MOB3B: variants seen among roughly 807,000 people sequenced by gnomAD.
MOB3B encodes the protein MOB kinase activator-like 2B.
A neutral mutation model predicts 18.7 loss-of-function variants in MOB3B; 7 were observed. That is an observed-to-expected ratio of 0.37 (90% CI 0.21 to 0.70). MOB3B has a LOEUF of 0.70. Ranked by LOEUF, MOB3B falls within the 30% of genes least tolerant of loss-of-function variation. The pLI is 0.52. For missense variants in MOB3B, 253 were observed against 281.3 expected, an observed-to-expected ratio of 0.90 and a Z score of 0.72; for synonymous variants, 111 against 99.9, an observed-to-expected ratio of 1.11 and a Z score of -0.66.
Position 27,493,751 on chromosome 9 carries a change from T to C in MOB3B, c.-199+35804A>G, listed in dbSNP as rs1283167842. 3.9e-5 allele frequency among the ~76,000 whole-genome samples: 6 copies of C among 152,324 alleles called. No individual in the cohort carries two copies. The East Asian group carries it at 1.2e-3, about 29-fold the overall frequency. On this transcript the variant is annotated intron_variant, in intron 1 of 3. Coordinates refer to ENST00000262244, the MANE Select transcript of MOB3B (RefSeq NM_024761.5). ...AATCCTGTCAGCCGAGGAGGATGTA[T>C]ATCGCCTCAGGACCCTGTAATAATT...
chr9:27,421,894 T>A (rs1444554044), intron 2 of MOB3B, among the ~76,000 whole-genome samples: 1 of 152,148 alleles, frequency 6.6e-6, no homozygotes, highest in Admixed American at 6.5e-5. Context: ...CTCTAGCTGC[T>A]TTTCTTCATA....
intron 2 of MOB3B, among the ~76,000 whole-genome samples, chr9:27,407,847 G>T (rs11791578): frequency 0.075 from 11,367 of 152,056 alleles, 510 homozygotes; most frequent in South Asian, 0.12. Context: ...GCTTCCTCTC[G>T]ATTTCTTTCC....
chr9:27,334,361 G>T (rs923922854), intron 3 of MOB3B, among the ~76,000 whole-genome samples: 4 of 151,964 alleles, frequency 2.6e-5, no homozygotes, highest in Non-Finnish European at 5.9e-5. Flanking sequence ...AACAAGACCG[G>T]TTATTTAAAA....
At chr9:27,335,674 C>G (rs1004469013) in intron 3 of MOB3B, among the ~76,000 whole-genome samples, 3 of 152,194 alleles carry the variant, frequency 2.0e-5, no homozygotes, top group Admixed American at 6.5e-5. Context: ...CATACACATG[C>G]TCCTCTCTTC....
At chr9:27,346,365 C>T (rs962839608) in intron 3 of MOB3B, among the ~76,000 whole-genome samples, 30 of 152,186 alleles carry the variant, frequency 2.0e-4, no homozygotes, top group East Asian at 3.8e-4. Flanking sequence ...GGAATCAGAC[C>T]GTATGTGCTC....
chr9:27,517,526 T>C (rs1310345141), intron 1 of MOB3B, among the ~76,000 whole-genome samples: 1 of 151,338 alleles, frequency 6.6e-6, no homozygotes, highest in Non-Finnish European at 1.5e-5. Flanking sequence ...CACATGCCTG[T>C]AATCCCAGCT....
chr9:27,358,961 T>C, intron 3 of MOB3B, 73 bp downstream of exon 3: 6 of 1,456,342 alleles, frequency 4.1e-6, no homozygotes, highest in Non-Finnish European at 5.8e-6. Context: ...TTTCCAGGGA[T>C]TGACAATGCG....
chr9:27,412,239 C>T (rs1822080522), intron 2 of MOB3B, among the ~76,000 whole-genome samples: 1 of 151,782 alleles, frequency 6.6e-6, no homozygotes, highest in South Asian at 2.1e-4. Context: ...ATACCTACCC[C>T]CATTCAGGGA....
chr9:27,494,793 G>T (rs192806001), intron 1 of MOB3B, among the ~76,000 whole-genome samples: 1 of 152,226 alleles, frequency 6.6e-6, no homozygotes, highest in Admixed American at 6.5e-5. Context: ...GATTACAGGC[G>T]TGAGCCACCA....
chr9:27,491,078 T>G, intron 1 of MOB3B, among the ~76,000 whole-genome samples: 1 of 152,022 alleles, frequency 6.6e-6, no homozygotes, highest in East Asian at 1.9e-4. Context: ...TGTCTCATAC[T>G]TTAAAAAAAT....
intron 2 of MOB3B, among the ~76,000 whole-genome samples, chr9:27,401,036 A>C (rs1216315750): frequency 3.9e-5 from 6 of 152,178 alleles, no homozygotes; most frequent in African/African-American, 1.4e-4. Context: ...CAAGCTACGG[A>C]AGGCAACAGG....
intron 1 of MOB3B, among the ~76,000 whole-genome samples, chr9:27,491,388 C>A (rs998687180): frequency 6.6e-6 from 1 of 152,082 alleles, no homozygotes; most frequent in Non-Finnish European, 1.5e-5. Context: ...GAGAGCACAG[C>A]CACCGACAAG....
chr9:27,341,718 T>A (rs1006069801), intron 3 of MOB3B, among the ~76,000 whole-genome samples: 1 of 152,202 alleles, frequency 6.6e-6, no homozygotes, highest in Non-Finnish European at 1.5e-5. Flanking sequence ...CTCTCAGGTC[T>A]ATGGGGTGGC....
intron 2 of MOB3B, among the ~76,000 whole-genome samples, chr9:27,411,157 G>A (rs1822060219): frequency 6.6e-6 from 1 of 152,190 alleles, no homozygotes. Flanking sequence ...GGCAGATGGG[G>A]TCTTCCCTAA....
intron 2 of MOB3B, chr9:27,421,237 C>T (rs1317730166): frequency 6.6e-6 from 1 of 152,320 alleles, no homozygotes; most frequent in African/African-American, 2.4e-5. Flanking sequence ...ATTACAGGCA[C>T]ATGCCACCAC....
chr9:27,456,510 T>A (rs1404355615), intron 1 of MOB3B, among the ~76,000 whole-genome samples: 1 of 152,164 alleles, frequency 6.6e-6, no homozygotes, highest in African/African-American at 2.4e-5. Flanking sequence ...TGGTTCCAAT[T>A]CCTTTTGAAG....
chr9:27,333,022 A>G (rs936584448), intron 3 of MOB3B, among the ~76,000 whole-genome samples: 1 of 152,172 alleles, frequency 6.6e-6, no homozygotes, highest in Non-Finnish European at 1.5e-5. Context: ...CTTTATCCAG[A>G]CTGATGCCAG....
intron 1 of MOB3B, among the ~76,000 whole-genome samples, chr9:27,504,323 C>T (rs1352372012): frequency 2.0e-5 from 3 of 152,106 alleles, no homozygotes. Context: ...TGATATGCAC[C>T]CATTTCAGTG....
At chr9:27,493,157 A>C (rs913936109) in intron 1 of MOB3B, among the ~76,000 whole-genome samples, 1 of 152,126 alleles carries the variant, frequency 6.6e-6, no homozygotes, top group South Asian at 2.1e-4. Flanking sequence ...TGGTTTTTTG[A>C]GACAGAATCT....
Sources: gnomAD v4.1 joint callset for allele counts (sites outside exome capture counted in the v4.1 genomes callset) on GRCh38, gnomAD v4.1.1 for gene constraint, MANE v1.5 for transcripts, NCBI Gene and HGNC (gene_info 2026-07-23, HGNC 2026-07-21) for gene names.